The following WWOX variants were observed in gnomAD, a reference collection of about 807,000 sequenced individuals.
WWOX encodes WW domain-containing oxidoreductase.
WWOX carries 69 observed loss-of-function variants against 46.2 expected under a neutral mutation model. The observed-to-expected ratio is 1.49, with a 90% CI of 1.23 to 1.82. The LOEUF is 1.82. Among genes scored for constraint, WWOX ranks in the 40% most tolerant of loss-of-function variants. The probability of loss-of-function intolerance (pLI) is 0.00; values close to 1 mark genes in which losing one functional copy is unlikely to be tolerated. For synonymous variants in WWOX, 359 were observed against 202.6 expected (o/e 1.77, Z -6.56); for missense variants, 919 against 542.6 (o/e 1.69, Z -6.89).
At chr16:78,440,060 T>G (rs2083411603) in intron 8 of WWOX, among the ~76,000 whole-genome samples, 1 of 152,214 alleles carries the variant, frequency 6.6e-6, no homozygotes, top group African/African-American at 2.4e-5. Flanking sequence ...GAAAAGTGCA[T>G]AACTGGCTTT....
At chr16:78,625,216 T>C (rs949321708) in intron 8 of WWOX, among the ~76,000 whole-genome samples, 4 of 152,310 alleles carry the variant, frequency 2.6e-5, no homozygotes, top group African/African-American at 9.6e-5. Context: ...GTTCTGCGTT[T>C]AGGCTGGGGT....
intron 8 of WWOX, among the ~76,000 whole-genome samples, chr16:79,074,131 G>A (rs1158912028): frequency 4.6e-5 from 7 of 152,124 alleles, no homozygotes; most frequent in Non-Finnish European, 1.0e-4. Context: ...GAATGTTGAC[G>A]TTAAAGCAGT....
At chr16:78,591,554 A>G (rs1435323341) in intron 8 of WWOX, among the ~76,000 whole-genome samples, 2 of 152,208 alleles carry the variant, frequency 1.3e-5, no homozygotes, top group East Asian at 1.9e-4. Flanking sequence ...CAATGTTAAC[A>G]TCAGGCAAAT....
At chr16:78,631,389 A>G (rs1374880965) in intron 8 of WWOX, among the ~76,000 whole-genome samples, 1 of 152,184 alleles carries the variant, frequency 6.6e-6, no homozygotes, top group Admixed American at 6.5e-5. Flanking sequence ...ACTCAAACTG[A>G]CGATCATCAA....
chr16:78,925,011 A>C (rs1021972560), intron 8 of WWOX, among the ~76,000 whole-genome samples: 1 of 152,262 alleles, frequency 6.6e-6, no homozygotes, highest in East Asian at 1.9e-4. Context: ...CCTGGGCAAC[A>C]TGGCAAAACC....
chr16:78,863,543 C>T lies in WWOX; in HGVS notation c.1057-348065C>T, dbSNP rs549303772. Among the ~76,000 whole-genome samples, 3 of 152,268 alleles carry T rather than the reference C, an allele frequency of 2.0e-5. No individual in the cohort carries two copies. The South Asian group carries it at 6.2e-4, about 32-fold the overall frequency. The stretch of plus-strand genomic sequence containing the variant: ...ACAGCTCAAAACCATCAGTAGTCCT[C>T]GTGATCTTTCGGCATTGTGGCTCCC... On this transcript the variant is annotated intron_variant, in intron 8 of 8. Coordinates refer to ENST00000566780, the MANE Select transcript of WWOX (RefSeq NM_016373.4).
intron 8 of WWOX, among the ~76,000 whole-genome samples, chr16:78,950,460 T>C (rs907051201): frequency 2.0e-5 from 3 of 151,274 alleles, no homozygotes; most frequent in African/African-American, 7.3e-5. Flanking sequence ...GAAAGCTAAG[T>C]TACAGCAGGT....
At chr16:78,868,336 A>G (rs1045963236) in intron 8 of WWOX, among the ~76,000 whole-genome samples, 10 of 152,120 alleles carry the variant, frequency 6.6e-5, no homozygotes, top group African/African-American at 2.4e-4. Context: ...ATGAAACTCT[A>G]TAGACAGCAA....
At chr16:79,120,721 C>G (rs900138145) in intron 8 of WWOX, among the ~76,000 whole-genome samples, 2 of 152,164 alleles carry the variant, frequency 1.3e-5, no homozygotes, top group African/African-American at 2.4e-5. Context: ...TCCATGGTCA[C>G]TTGGACTTCC....
chr16:78,242,219 C>G (rs191323227), intron 5 of WWOX, among the ~76,000 whole-genome samples: 2 of 152,314 alleles, frequency 1.3e-5, no homozygotes, highest in East Asian at 3.9e-4. Flanking sequence ...TTTGTAATAC[C>G]TGTATTTTAT....
chr16:78,942,152 T>C (rs892571451), intron 8 of WWOX, among the ~76,000 whole-genome samples: 9 of 152,094 alleles, frequency 5.9e-5, no homozygotes, highest in African/African-American at 1.2e-4. Context: ...TTGGATGTGA[T>C]TGGTATGGAG....
At chr16:78,755,468 A>T (rs1230477518) in intron 8 of WWOX, among the ~76,000 whole-genome samples, 2 of 152,178 alleles carry the variant, frequency 1.3e-5, no homozygotes, top group East Asian at 3.9e-4. Flanking sequence ...TTAAGGCTGC[A>T]TGATGATGAG....
rs147940807 is a variant in WWOX, at chr16:78,311,455, A to T, written c.517-75405A>T. ...AACTGTCACTTCCTTCACCCCCAGG[A>T]GCACTGAAGCAGACACTGATTCCTC... On this transcript the variant is annotated intron_variant, in intron 5 of 8. Coordinates refer to ENST00000566780, the MANE Select transcript of WWOX (RefSeq NM_016373.4). Among the ~76,000 whole-genome samples, 692 of 152,352 alleles carry T rather than the reference A, an allele frequency of 4.5e-3. 4 individuals are homozygous for T. Among genetic ancestry groups the T allele is most frequent in the Middle Eastern group, 0.021 (6 of 292 alleles).
In WWOX at chr16:78,729,043, A is replaced by G. The variant is rs1438948486; in HGVS notation, c.1056+296291A>G. Among the ~76,000 whole-genome samples the G allele has an allele frequency of 2.0e-5, 3 of 152,142 alleles. No homozygotes were observed. In the East Asian group the frequency reaches 5.8e-4, roughly 29 times the overall value. On this transcript the variant is annotated intron_variant, in intron 8 of 8. Coordinates refer to ENST00000566780, the MANE Select transcript of WWOX (RefSeq NM_016373.4). ...CTAAAGATATCCCGCCCCACCAAAG[A>G]TATCCCTAAAGACATCCTGCTGGTT...
intron 8 of WWOX, among the ~76,000 whole-genome samples, chr16:78,810,625 A>T (rs779732252): frequency 5.9e-5 from 9 of 152,086 alleles, no homozygotes; most frequent in African/African-American, 1.7e-4. Context: ...ACCTCCCATT[A>T]TTTCTTCCGC....
chr16:78,733,312 G>C (rs1567523144), intron 8 of WWOX, among the ~76,000 whole-genome samples: 2 of 152,026 alleles, frequency 1.3e-5, no homozygotes, highest in Non-Finnish European at 2.9e-5. Flanking sequence ...TAAATTAGCT[G>C]AGTGTGATGT....
intron 8 of WWOX, among the ~76,000 whole-genome samples, chr16:78,950,540 A>ACC (rs2046038990): frequency 7.6e-6 from 1 of 131,080 alleles, no homozygotes; most frequent in South Asian, 2.3e-4. Flanking sequence ...ACATACACAC[A>ACC]CACACACACA....
intron 8 of WWOX, among the ~76,000 whole-genome samples, chr16:78,541,436 TGC>T (rs1555559096): frequency 2.7e-5 from 3 of 111,512 alleles, no homozygotes; most frequent in Non-Finnish European, 4.9e-5. Flanking sequence ...AGCCCGCCAC[TGC>T]ACTCCAGCCT....
chr16:78,496,804 C>G (rs867615397), intron 8 of WWOX, among the ~76,000 whole-genome samples: 1 of 152,136 alleles, frequency 6.6e-6, no homozygotes, highest in Non-Finnish European at 1.5e-5. Context: ...GGAAGAGGCC[C>G]CAAGACATGG....
Sources: allele counts gnomAD v4.1 joint callset (sites outside exome capture counted in the v4.1 genomes callset), GRCh38; gene constraint gnomAD v4.1.1; transcripts MANE v1.5; gene names NCBI Gene and HGNC (gene_info 2026-07-23, HGNC 2026-07-21).